The following TG variants were observed in gnomAD, a reference collection of about 807,000 sequenced individuals.
TG encodes thyroid hormones.
Under a neutral mutation model 324.7 loss-of-function variants are expected in TG, and 270 were observed. That is an observed-to-expected ratio of 0.83 (90% CI 0.75 to 0.92). TG has a LOEUF of 0.92. Ranked by LOEUF, TG falls within the 40% of genes least tolerant of loss-of-function variation. The probability of loss-of-function intolerance (pLI) is 0.00; values close to 1 mark genes in which losing one functional copy is unlikely to be tolerated. For missense variants in TG, 3,591 were observed against 3,456.4 expected (o/e 1.04, Z -0.98); for synonymous variants, 1,401 against 1,327.0 (o/e 1.06, Z -1.21).
At chr8:133,031,086 C>T (rs976075087) in intron 41 of TG, among the ~76,000 whole-genome samples, 1 of 152,210 alleles carries the variant, frequency 6.6e-6, no homozygotes, top group Admixed American at 6.5e-5. Flanking sequence ...TATCCGTCGC[C>T]AGAACAGAAC....
intron 27 of TG, among the ~76,000 whole-genome samples, chr8:132,951,593 A>G (rs1826106215): frequency 6.6e-6 from 1 of 152,106 alleles, no homozygotes; most frequent in African/African-American, 2.4e-5. Flanking sequence ...GACTTTTGAA[A>G]TGTTTGTTTT....
intron 41 of TG, among the ~76,000 whole-genome samples, chr8:133,044,319 A>G (rs1838885990): frequency 6.6e-6 from 1 of 152,010 alleles, no homozygotes; most frequent in South Asian, 2.1e-4. Context: ...ACCACACCAC[A>G]TGATGCTTGC....
At chr8:133,106,233 G>T (rs1231657369) in intron 43 of TG, among the ~76,000 whole-genome samples, 1 of 152,190 alleles carries the variant, frequency 6.6e-6, no homozygotes, top group Non-Finnish European at 1.5e-5. Context: ...GCCATTCCCT[G>T]AGGAGAGGGC....
At chr8:132,937,733 A>G (rs1823812250) in intron 25 of TG, among the ~76,000 whole-genome samples, 1 of 150,778 alleles carries the variant, frequency 6.6e-6, no homozygotes, top group Non-Finnish European at 1.5e-5. Flanking sequence ...CATTTTAAAA[A>G]ATGCAATTGT....
At chr8:133,123,771 C>T (rs146420515) in intron 45 of TG, among the ~76,000 whole-genome samples, 62 of 152,328 alleles carry the variant, frequency 4.1e-4, no homozygotes, top group African/African-American at 1.3e-3. Context: ...TAGAAGAGAG[C>T]ACCGGTTTGT....
At chr8:133,064,556 G>A (rs1442824354) in intron 41 of TG, among the ~76,000 whole-genome samples, 1 of 152,246 alleles carries the variant, frequency 6.6e-6, no homozygotes, top group African/African-American at 2.4e-5. Context: ...TTTTTGTTCA[G>A]GACCATGCTG....
chr8:133,094,768 C>A (rs1848157690), intron 41 of TG: 3 of 517,516 alleles, frequency 5.8e-6, no homozygotes, highest in Admixed American at 3.1e-5. Context: ...TATACAAATT[C>A]ATCTGCACAG....
chr8:133,011,119 A>G (rs929213338), intron 35 of TG, among the ~76,000 whole-genome samples: 1 of 152,200 alleles, frequency 6.6e-6, no homozygotes, highest in Non-Finnish European at 1.5e-5. Flanking sequence ...AGTGAGGGGC[A>G]GGATTGGCCA....
rs549532372 is a variant in TG, at chr8:133,118,473, C to T, written c.7862+1757C>T. ...CCCAGTAGCTGGAATTACAGGCATGCGCCATGATTCCCAGCTAATTTTCGT... is the reference window on the plus strand; with the variant it reads ...CCCAGTAGCTGGAATTACAGGCATGTGCCATGATTCCCAGCTAATTTTCGT... On this transcript the variant is annotated intron_variant, in intron 45 of 47. Coordinates refer to ENST00000220616, the MANE Select transcript of TG (RefSeq NM_003235.5). 2.2e-4 allele frequency among the ~76,000 whole-genome samples: 33 copies of T among 152,118 alleles called. 1 individual carries two copies. In the South Asian group the frequency reaches 2.3e-3, roughly 11 times the overall value.
At chr8:133,127,189 C>T (rs1187302747) in intron 45 of TG, among the ~76,000 whole-genome samples, 3 of 152,192 alleles carry the variant, frequency 2.0e-5, no homozygotes, top group African/African-American at 7.2e-5. Context: ...CTCAACCCAC[C>T]TCCCCAGCTC....
At chr8:132,924,557 C>T (rs1277009375) in intron 22 of TG, among the ~76,000 whole-genome samples, 1 of 152,192 alleles carries the variant, frequency 6.6e-6, no homozygotes, top group East Asian at 1.9e-4. Flanking sequence ...CTACCCTGTA[C>T]CACGTACAGT....
chr8:133,075,147 G>A (rs1273978529), intron 41 of TG: 11 of 984,694 alleles, frequency 1.1e-5, no homozygotes, highest in Non-Finnish European at 1.3e-5. Context: ...AGATAGATGG[G>A]TTATTAATTT....
At chr8:132,978,423 G>A (rs925547402) in intron 34 of TG, among the ~76,000 whole-genome samples, 1 of 152,054 alleles carries the variant, frequency 6.6e-6, no homozygotes, top group African/African-American at 2.4e-5. Context: ...AGATTTGGAG[G>A]GGACACACCT....
chr8:133,027,742 G>A (rs1382263172), intron 40 of TG, among the ~76,000 whole-genome samples: 1 of 152,232 alleles, frequency 6.6e-6, no homozygotes, highest in Non-Finnish European at 1.5e-5. Context: ...TGGGTTGAAT[G>A]TTAGGACAGA....
Position 132,901,336 on chromosome 8 carries a change from G to A in TG, c.3434-17G>A, listed in dbSNP as rs931562296. 6.2e-7 allele frequency: 1 copy of A among 1,614,030 alleles called. No individual in the cohort carries two copies. Among genetic ancestry groups the A allele is most frequent in the Non-Finnish European group, 8.5e-7 (1 of 1,180,018 alleles). On this transcript the variant is annotated splice_polypyrimidine_tract_variant and intron_variant, in intron 15 of 47. Transcript: ENST00000220616. ...GGGCACTGATTCCCCAGCCCATCTG[G>A]CTTGTCTCTGTGTCAGGCCCAAGCC...
At chr8:132,880,567 T>C (rs889699711) in intron 5 of TG, among the ~76,000 whole-genome samples, 4 of 152,182 alleles carry the variant, frequency 2.6e-5, no homozygotes, top group Non-Finnish European at 5.9e-5. Context: ...GAACAATAGA[T>C]TAATAGCATG....
chr8:133,050,187 A>C (rs1386015593), intron 41 of TG: 1 of 576,224 alleles, frequency 1.7e-6, no homozygotes, highest in Non-Finnish European at 3.1e-6. Context: ...ATAGCCCTCC[A>C]TTGCAAGCCA....
intron 26 of TG, among the ~76,000 whole-genome samples, chr8:132,944,534 G>A (rs1309004592): frequency 6.6e-6 from 1 of 152,218 alleles, no homozygotes; most frequent in Non-Finnish European, 1.5e-5. Flanking sequence ...CACTGTAGGT[G>A]CAGAGGAATG....
At chr8:132,940,975 T>C (rs1824357629) in intron 25 of TG, among the ~76,000 whole-genome samples, 1 of 152,172 alleles carries the variant, frequency 6.6e-6, no homozygotes, top group South Asian at 2.1e-4. Flanking sequence ...GCGGTGAAAA[T>C]CAAATGAAAC....
Sources: gnomAD v4.1 joint callset for allele counts (sites outside exome capture counted in the v4.1 genomes callset) on GRCh38, gnomAD v4.1.1 for gene constraint, MANE v1.5 for transcripts, NCBI Gene and HGNC (gene_info 2026-07-23, HGNC 2026-07-21) for gene names.